The following KCP variants were observed in gnomAD, a reference collection of about 807,000 sequenced individuals.
KCP encodes kielin/chordin-like protein.
Under a neutral mutation model 212.7 loss-of-function variants are expected in KCP, and 194 were observed. That is an observed-to-expected ratio of 0.91 (90% confidence interval 0.81 to 1.03). The LOEUF (loss-of-function observed/expected upper bound fraction) is 1.03. KCP is among the 50% of genes least tolerant of loss of function. The probability of loss-of-function intolerance (pLI) is 0.00; values close to 1 mark genes in which losing one functional copy is unlikely to be tolerated. For missense variants in KCP, 2,080 were observed against 2,162.5 expected (o/e 0.96, Z 0.76); for synonymous variants, 833 against 865.3 (o/e 0.96, Z 0.65).
At position 128,891,469 on chromosome 7, in the gene KCP, G is replaced by A; in HGVS notation, c.1860C>T (p.Cys620=). The A allele has an allele frequency of 5.2e-6, 8 of 1,550,482 alleles. No individual in the cohort carries two copies. Among genetic ancestry groups the A allele is most frequent in the Non-Finnish European group, 7.0e-6 (8 of 1,146,762 alleles). The change falls in exon 18 of 40, where the codon TGC becomes TGT. Residue 620 remains cysteine, a synonymous_variant. Coordinates refer to ENST00000610776, the MANE Select transcript of KCP (RefSeq NM_001366122.1). ...GADFPHPSDP[C]RLCRCLSGNV... is the part of the protein sequence containing the mutation. ...GACTCACCAGACAGCGACACAGACG[G>A]CAGGGGTCAGAGGGGTGGGGGAAGT...
Position 128,891,464 on chromosome 7 carries a change from A to T in KCP, c.1865T>A (p.Leu622Gln), listed in dbSNP as rs78201027. 3.2e-6 allele frequency: 5 copies of T among 1,550,466 alleles called. No homozygotes were observed. The South Asian group carries it at 5.9e-5, about 18-fold the overall frequency. Residue 622 changes from leucine (L) to glutamine (Q), a missense_variant, in exon 18 of 40, where the codon CTG becomes CAG. Leu to Gln is a moderately radical substitution (Grantham distance 113). Transcript: ENST00000610776. ...GTGCAGACTCACCAGACAGCGACAC[A>T]GACGGCAGGGGTCAGAGGGGTGGGG... ...DFPHPSDPCR[L>Q]CRCLSGNVQC...
intron 13 of KCP, 37 bp from the exon 14 acceptor site, chr7:128,893,058 C>A: frequency 1.1e-6 from 1 of 871,836 alleles, no homozygotes; most frequent in Non-Finnish European, 1.9e-6. Flanking sequence ...AGCCTACACA[C>A]CTCCCACCCA....
intron 8 of KCP, among the ~76,000 whole-genome samples, chr7:128,896,889 C>CAAAAAAA (rs35522047): frequency 1.7e-5 from 1 of 58,084 alleles, no homozygotes; most frequent in Non-Finnish European, 3.2e-5. Context: ...GACTCCATCT[C>CAAAAAAA]AAAAAAAAAA....
intron 8 of KCP, among the ~76,000 whole-genome samples, chr7:128,899,103 A>T (rs902487638): frequency 5.3e-5 from 8 of 152,220 alleles, no homozygotes; most frequent in Admixed American, 4.6e-4. Context: ...TCAAATATGA[A>T]ATGGTATTTG....
chr7:128,886,257 T>A (rs934371538), intron 26 of KCP, among the ~76,000 whole-genome samples: 7 of 152,012 alleles, frequency 4.6e-5, no homozygotes, highest in African/African-American at 1.7e-4. Context: ...TTGAGGGAAC[T>A]CTAACCAGCA....
Position 128,880,798 on chromosome 7 carries a change from G to A in KCP, c.3514-77C>T. 3 of 403,754 alleles carry A rather than the reference G, an allele frequency of 7.4e-6. No homozygotes were observed. The East Asian group carries it at 1.1e-4, about 14-fold the overall frequency. 25.0% of individuals were successfully genotyped at this position (403,754 alleles called of 1,614,324 possible). A position where few individuals can be genotyped will look rare whatever the true frequency, so the allele number is the denominator to read the frequency against. On this transcript the variant is annotated intron_variant, in intron 32 of 39. Transcript: ENST00000610776. ...GCCTCATGCTTCTGGGGGCCTCTGG[G>A]CATGGACTTCTGCCTGCCCCTCCCA...
At position 128,903,959 on chromosome 7, in the gene KCP, G is replaced by A. The variant is rs548243462; in HGVS notation, c.654+97C>T. The A allele has an allele frequency of 4.4e-6, 6 of 1,354,302 alleles. No individual in the cohort carries two copies. In the African/African-American group the frequency reaches 7.2e-5, roughly 16 times the overall value. The allele number at this position is 1,354,302 out of a possible 1,614,324, so 83.9% of individuals were successfully genotyped here. A position where few individuals can be genotyped will look rare whatever the true frequency, so the allele number is the denominator to read the frequency against. ...CCTAGCTGGCTCCACCTCTCGGGAGGCATGTGAGGGGGCTGGAGGAGTGGC... is the reference window on the plus strand; with the variant it reads ...CCTAGCTGGCTCCACCTCTCGGGAGACATGTGAGGGGGCTGGAGGAGTGGC... On this transcript the variant is annotated intron_variant, in intron 6 of 39. Coordinates refer to ENST00000610776, the MANE Select transcript of KCP (RefSeq NM_001366122.1).
rs1305102939 is a variant in KCP at position 128,885,277 on chromosome 7, T to G, written c.2867-7A>C. 1 of 1,538,986 alleles carries G rather than the reference T, an allele frequency of 6.5e-7. No individual in the cohort carries two copies. Among genetic ancestry groups the G allele is most frequent in the Non-Finnish European group, 8.8e-7 (1 of 1,138,102 alleles). The stretch of plus-strand genomic sequence containing the variant: ...TCCCCATGAGCCAGGCAGCCTGTGG[T>G]GCAAAGTGGGCAGGGACGAGCTCGG... On this transcript the variant is annotated splice_polypyrimidine_tract_variant and splice_region_variant and intron_variant, in intron 26 of 39. Coordinates refer to ENST00000610776, the MANE Select transcript of KCP (RefSeq NM_001366122.1).
chr7:128,910,656 A>C lies in KCP; in HGVS notation c.21T>G (p.Ala7=). 1.3e-6 allele frequency: 2 copies of C among 1,510,146 alleles called. No homozygotes were observed. Among genetic ancestry groups the C allele is most frequent in the Non-Finnish European group, 1.8e-6 (2 of 1,136,380 alleles). The allele number at this position is 1,510,146 out of a possible 1,614,324, so 93.5% of individuals were successfully genotyped here. The part of the protein sequence containing the change: MAGVGA[A]ALSLLLHLGA... ...CGAGGTGCAGGAGAAGGGACAGCGCAGCGGCCCCGACCCCGGCCATGCTAG... is the reference window on the plus strand; with the variant it reads ...CGAGGTGCAGGAGAAGGGACAGCGCCGCGGCCCCGACCCCGGCCATGCTAG... The change falls in exon 1 of 40, where the codon GCT becomes GCG. Residue 7 remains alanine (A), a synonymous_variant. Transcript: ENST00000610776.
At chr7:128,900,187 A>G (rs1794768747) in intron 8 of KCP, among the ~76,000 whole-genome samples, 1 of 152,238 alleles carries the variant, frequency 6.6e-6, no homozygotes, top group African/African-American at 2.4e-5. Context: ...GGCACTTTAT[A>G]CAAATAATCA....
chr7:128,886,703 C>T lies in KCP; in HGVS notation c.2724G>A (p.Gly908=), dbSNP rs904455013. Residue 908 remains glycine (G), a synonymous_variant, in exon 25 of 40, where the codon GGG becomes GGA. Coordinates refer to ENST00000610776, the MANE Select transcript of KCP (RefSeq NM_001366122.1). ...CLSQGREHQD[G]EEFEGPAGSC... is the part of the protein sequence containing the mutation. ...TGCCTGCTGGTCCCTCAAACTCCTC[C>T]CCATCCTGGTGCTCCCGGCCCTGAG... is the stretch of plus-strand genomic sequence containing the variant. The T allele has an allele frequency of 2.6e-6, 4 of 1,551,552 alleles. No individual in the cohort carries two copies. Among genetic ancestry groups the T allele is most frequent in the African/African-American group, 1.4e-5 (1 of 73,044 alleles).
intron 17 of KCP, 46 bp downstream of exon 17, chr7:128,891,600 C>T: frequency 6.6e-7 from 1 of 1,509,614 alleles, no homozygotes. Context: ...CTTCCGGGGG[C>T]CATGCCATCC....
intron 2 of KCP, 119 bp downstream of exon 2, chr7:128,908,307 G>GAAAGAAAGAAAGAAA (rs1554420571): frequency 1.3e-5 from 5 of 396,942 alleles, no homozygotes; most frequent in South Asian, 2.6e-4. Context: ...AGAAAGAAAG[G>GAAAGAAAGAAAGAAA]GAATTGTTCA....
At chr7:128,884,939 T>C (rs1041783480) in intron 27 of KCP, 76 bp from the exon 28 acceptor site, 1 of 1,487,354 alleles carries the variant, frequency 6.7e-7, no homozygotes, top group Non-Finnish European at 9.2e-7. Context: ...GAGTCCTCTA[T>C]CTCCAGCCTC....
chr7:128,880,132 T>A, intron 34 of KCP, 47 bp from the exon 35 acceptor site: 1 of 1,477,456 alleles, frequency 6.8e-7, no homozygotes, highest in Non-Finnish European at 9.0e-7. Flanking sequence ...CTCCCCGCCA[T>A]GCCTCTCGCA....
rs890295794 is a variant in KCP, at chr7:128,881,545, C to T, written c.3424+81G>A. ...AACCGAGTACAAACCCTGGGCTGCCCGCTTGGCCCATGAATGCCTCCCCTT... is the reference window on the plus strand; with the variant it reads ...AACCGAGTACAAACCCTGGGCTGCCTGCTTGGCCCATGAATGCCTCCCCTT... On this transcript the variant is annotated intron_variant, in intron 31 of 39. Transcript: ENST00000610776. 11 of 987,068 alleles carry T rather than the reference C, an allele frequency of 1.1e-5. No homozygotes were observed. In the Admixed American group the frequency reaches 1.7e-4, roughly 16 times the overall value. 61.1% of individuals were successfully genotyped at this position (987,068 alleles called of 1,614,324 possible).
chr7:128,877,154 C>T lies in KCP; in HGVS notation c.4776G>A (p.Glu1592=). ...PGCQCPAGLV[E]HEAHCIPPEA... is the part of the protein sequence containing the mutation. ...CGGGTGGGATGCAGTGGGCCTCATG[C>T]TCCACCAGGCCTGCAGGGCACTGGC... is the stretch of plus-strand genomic sequence containing the variant. Residue 1592 remains glutamate (E), a synonymous_variant, in exon 40 of 40, where the codon GAG becomes GAA. Transcript: ENST00000610776. 1.3e-6 allele frequency: 2 copies of T among 1,500,808 alleles called. No homozygotes were observed. Among genetic ancestry groups the T allele is most frequent in the Non-Finnish European group, 1.8e-6 (2 of 1,126,028 alleles). 93.0% of individuals were successfully genotyped at this position (1,500,808 alleles called of 1,614,324 possible).
At chr7:128,898,900 T>C (rs922137768) in intron 8 of KCP, among the ~76,000 whole-genome samples, 3 of 152,250 alleles carry the variant, frequency 2.0e-5, no homozygotes, top group Non-Finnish European at 4.4e-5. Flanking sequence ...CAAAACCTGC[T>C]TGTAATCTGC....
intron 1 of KCP, among the ~76,000 whole-genome samples, chr7:128,909,685 GAATCACACAGCCGA>G (rs1795329582): frequency 6.6e-6 from 1 of 152,052 alleles, no homozygotes. Flanking sequence ...CGACCTTTCT[GAATCACACAGCCGA>G]AGTCTCCCAG....
Sources: gnomAD v4.1 joint callset for allele counts (sites outside exome capture counted in the v4.1 genomes callset) on GRCh38, gnomAD v4.1.1 for gene constraint, MANE v1.5 for transcripts, NCBI Gene and HGNC (gene_info 2026-07-23, HGNC 2026-07-21) for gene names.